RBFOX3: variants seen among roughly 807,000 people sequenced by gnomAD.
The protein encoded by RBFOX3 is RNA binding fox-1 homolog 3, also known as RNA binding protein fox-1 homolog 3.
In RBFOX3, 17 loss-of-function variants were observed where a neutral mutation model predicts 48.7. The ratio of observed to expected loss-of-function variants is 0.35; its 90% CI spans 0.24 to 0.52. The LOEUF is 0.52. Among genes scored for constraint, RBFOX3 ranks in the 20% least tolerant of loss-of-function variants. The probability of loss-of-function intolerance (pLI) is 0.94; values close to 1 mark genes in which losing one functional copy is unlikely to be tolerated. For synonymous variants in RBFOX3, 212 were observed against 209.5 expected, an observed-to-expected ratio of 1.01 and a Z score of -0.10; for missense variants, 382 against 497.5, an observed-to-expected ratio of 0.77 and a Z score of 2.21.
chr17:79,372,458 CT>C (rs1400685674), intron 2 of RBFOX3, among the ~76,000 whole-genome samples: 3 of 151,034 alleles, frequency 2.0e-5, no homozygotes, highest in Non-Finnish European at 4.4e-5. Context: ...TGTCTCCCCC[CT>C]GGACTTATGG....
At chr17:79,593,870 G>T (rs2093492930) in intron 1 of RBFOX3, among the ~76,000 whole-genome samples, 1 of 152,172 alleles carries the variant, frequency 6.6e-6, no homozygotes. Flanking sequence ...TATGGCACCA[G>T]CAGGCTCCAG....
intron 3 of RBFOX3, 84 bp downstream of exon 3, chr17:79,307,640 C>A (rs1444945601): frequency 6.5e-6 from 1 of 153,824 alleles, no homozygotes; most frequent in Non-Finnish European, 1.5e-5. Flanking sequence ...TGGCGGTGGG[C>A]CACCCTGAGG....
chr17:79,252,573 T>C lies in RBFOX3; in HGVS notation c.-73-16768A>G, dbSNP rs2064134445. On this transcript the variant is annotated intron_variant, in intron 3 of 14. Coordinates refer to ENST00000693108, the MANE Select transcript of RBFOX3 (RefSeq NM_001350451.2). The surrounding 1 kb of genome is among the most constrained non-coding windows in gnomAD (Gnocchi z 4.0). ...CTCCCTCGGAAATGAGCTCTGATGG[T>C]TCCTCGATGGTAAACCAGTGAGGCT... 1.3e-5 allele frequency among the ~76,000 whole-genome samples: 2 copies of C among 152,144 alleles called. No homozygotes were observed. The highest frequency in any genetic ancestry group is 4.1e-4 in the South Asian group (2 of 4,828).
At chr17:79,334,527 G>A (rs1311879942) in intron 2 of RBFOX3, among the ~76,000 whole-genome samples, 1 of 152,154 alleles carries the variant, frequency 6.6e-6, no homozygotes, top group Non-Finnish European at 1.5e-5. Flanking sequence ...ACCTAGAGAT[G>A]GGCTTCTTAA....
At chr17:79,128,597 G>A (rs138638897) in intron 4 of RBFOX3, among the ~76,000 whole-genome samples, 105 of 152,322 alleles carry the variant, frequency 6.9e-4, no homozygotes, top group African/African-American at 2.5e-3. Flanking sequence ...CGGCTGGACT[G>A]GGAGAGTGAG....
chr17:79,455,059 C>A (rs1392803873), intron 2 of RBFOX3, among the ~76,000 whole-genome samples: 1 of 151,928 alleles, frequency 6.6e-6, no homozygotes, highest in African/African-American at 2.4e-5. Flanking sequence ...ACAGCAACCC[C>A]TCCATGGGGT....
intron 2 of RBFOX3, among the ~76,000 whole-genome samples, chr17:79,338,658 T>C (rs2081573463): frequency 1.3e-5 from 2 of 152,218 alleles, no homozygotes; most frequent in Non-Finnish European, 2.9e-5. Flanking sequence ...AGGAGTAGAA[T>C]CTGTGAGTTT....
At chr17:79,315,186 C>T (rs1172690662) in intron 2 of RBFOX3, among the ~76,000 whole-genome samples, 2 of 152,136 alleles carry the variant, frequency 1.3e-5, no homozygotes, top group Admixed American at 6.5e-5. Flanking sequence ...AAATGGATGA[C>T]GTACACGATG....
Position 79,430,884 on chromosome 17 carries a change from G to T in RBFOX3, c.-175+51570C>A, listed in dbSNP as rs548469438. On this transcript the variant is annotated intron_variant, in intron 2 of 14. Coordinates refer to ENST00000693108, the MANE Select transcript of RBFOX3 (RefSeq NM_001350451.2). ...ATTGTTTCTTATCTGCCAAAAGACT[G>T]TCATAAGATCACTGGGCATAAAGTG... 3.3e-5 allele frequency among the ~76,000 whole-genome samples: 5 copies of T among 152,282 alleles called. No homozygotes were observed. In the South Asian group the frequency reaches 1.0e-3, roughly 32 times the overall value.
intron 1 of RBFOX3, among the ~76,000 whole-genome samples, chr17:79,607,180 A>ATGGTAGG (rs2093851294): frequency 1.3e-5 from 2 of 152,216 alleles, no homozygotes; most frequent in East Asian, 3.9e-4. Flanking sequence ...GATTTAGGGA[A>ATGGTAGG]TGGTAGGTTC....
rs779748111 is a variant in RBFOX3 at position 79,241,823 on chromosome 17, C to A, written c.-73-6018G>T. 2.0e-4 allele frequency among the ~76,000 whole-genome samples: 31 copies of A among 152,142 alleles called. 1 individual carries two copies. Among genetic ancestry groups the A allele is most frequent in the Admixed American group, 1.4e-3 (22 of 15,274 alleles). ...GTGTCTTCACATGGCAAGGAGACAG[C>A]GTGAAAGCAGTCTCCCTGGTGTCTG... On this transcript the variant is annotated intron_variant, in intron 3 of 14. Coordinates refer to ENST00000693108, the MANE Select transcript of RBFOX3 (RefSeq NM_001350451.2).
chr17:79,516,641 A>C (rs1286522524), intron 1 of RBFOX3, among the ~76,000 whole-genome samples: 2 of 152,198 alleles, frequency 1.3e-5, no homozygotes, highest in African/African-American at 4.8e-5. Flanking sequence ...CGGGATGGAA[A>C]GTCTCAGGTA....
intron 4 of RBFOX3, among the ~76,000 whole-genome samples, chr17:79,128,491 G>A (rs1257793587): frequency 6.6e-6 from 1 of 152,148 alleles, no homozygotes; most frequent in East Asian, 1.9e-4. Context: ...TCTCTCTCCC[G>A]CACCAGGTTC....
At chr17:79,467,305 C>G (rs2076447527) in intron 2 of RBFOX3, among the ~76,000 whole-genome samples, 1 of 152,122 alleles carries the variant, frequency 6.6e-6, no homozygotes, top group Non-Finnish European at 1.5e-5. Flanking sequence ...GTGCCTTCCT[C>G]AGAGATTTCA....
chr17:79,628,546 T>C, the RBFOX3 span, among the ~76,000 whole-genome samples: 1 of 152,184 alleles, frequency 6.6e-6, no homozygotes, highest in Non-Finnish European at 1.5e-5. Context: ...CCATTCCTTT[T>C]AATTGAGGCG....
rs141530756 is a variant in RBFOX3, at chr17:79,123,170, A to G, written c.-33-7422T>C. ...TGGTATAACAGGGTGACTATAGTCA[A>G]TAATAACTTAATTGTACACTTAAAA... On this transcript the variant is annotated intron_variant, in intron 4 of 14. Coordinates refer to ENST00000693108, the MANE Select transcript of RBFOX3 (RefSeq NM_001350451.2). Among the ~76,000 whole-genome samples the G allele has an allele frequency of 3.0e-4, 46 of 152,344 alleles. No homozygotes were observed. In the East Asian group the frequency reaches 6.9e-3, roughly 23 times the overall value.
At chr17:79,241,868 C>T (rs2062429149) in intron 3 of RBFOX3, among the ~76,000 whole-genome samples, 1 of 152,096 alleles carries the variant, frequency 6.6e-6, no homozygotes, top group Non-Finnish European at 1.5e-5. Flanking sequence ...GGGCACTAAT[C>T]CCATTGCCCA....
rs1222831726 is a variant in RBFOX3 at position 79,097,399 on chromosome 17, G to A, written c.648C>T (p.Thr216=). 1.9e-6 allele frequency: 3 copies of A among 1,547,070 alleles called. No individual in the cohort carries two copies. The African/African-American group carries it at 4.1e-5, about 21-fold the overall frequency. ...CGCCCCGGTAGGCAACGGCTGTGCCGGTGGTGGGGTAGGGGAACCCCGTCA... is the reference window on the plus strand; with the variant it reads ...CGCCCCGGTAGGCAACGGCTGTGCCAGTGGTGGGGTAGGGGAACCCCGTCA... The part of the protein sequence containing the change: ...YAVTGFPYPT[T]GTAVAYRGAH... The change falls in exon 11 of 15, where the codon ACC becomes ACT. Residue 216 remains threonine, a synonymous_variant. Transcript: ENST00000693108.
chr17:79,342,410 C>T (rs556206244), intron 2 of RBFOX3, among the ~76,000 whole-genome samples: 3 of 152,274 alleles, frequency 2.0e-5, no homozygotes, highest in East Asian at 3.9e-4. Context: ...CTCTCTCTCT[C>T]GTCTGATTAA....
Sources: gnomAD v4.1 joint callset for allele counts (sites outside exome capture counted in the v4.1 genomes callset) on GRCh38, gnomAD v4.1.1 for gene constraint, Gnocchi (gnomAD v3.1) non-coding constraint, MANE v1.5 for transcripts, NCBI Gene and HGNC (gene_info 2026-07-23, HGNC 2026-07-21) for gene names.